CNTRL: variants seen among roughly 807,000 people sequenced by gnomAD.
The protein encoded by CNTRL is centriolin.
CNTRL carries 233 observed loss-of-function variants against 303.7 expected under a neutral mutation model. That is an observed-to-expected ratio of 0.77 (90% CI 0.69 to 0.86). CNTRL has a LOEUF of 0.86. Among genes scored for constraint, CNTRL ranks in the 40% least tolerant of loss-of-function variants. CNTRL has a pLI of 0.00. For missense variants in CNTRL, 2,524 were observed against 2,650.6 expected, an observed-to-expected ratio of 0.95 and a Z score of 1.05; for synonymous variants, 900 against 922.2, an observed-to-expected ratio of 0.98 and a Z score of 0.44.
intron 4 of CNTRL, among the ~76,000 whole-genome samples, chr9:121,090,730 G>A (rs74555897): frequency 1.3e-5 from 2 of 152,190 alleles, no homozygotes; most frequent in African/African-American, 4.8e-5. Context: ...GGTTGTTTTT[G>A]CACTACAGTA....
intron 11 of CNTRL, among the ~76,000 whole-genome samples, chr9:121,117,925 G>A (rs533032972): frequency 1.3e-5 from 2 of 151,608 alleles, no homozygotes; most frequent in Admixed American, 1.3e-4. Context: ...CTTGCGGTGA[G>A]CCGAGATCGC....
chr9:121,113,720 T>G lies in CNTRL; in HGVS notation c.1341T>G (p.Ser447Arg). The part of the protein sequence containing the change: ...TQLEDKEKKI[S>R]AAQTRLSELH... ...TGGAAGACAAAGAAAAAAAAATAAG[T>G]GCAGGTTAAAAAAAGTTATTTTAAA... The change falls in exon 10 of 44, where the codon AGT becomes AGG. Residue 447 changes from serine (S) to arginine (R), a missense_variant. Physicochemically the swap from Ser to Arg is moderately radical, Grantham distance 110. Transcript: ENST00000373855. 4 of 1,515,328 alleles carry G rather than the reference T, an allele frequency of 2.6e-6. No homozygotes were observed. The highest frequency in any genetic ancestry group is 2.6e-6 in the Non-Finnish European group (3 of 1,136,622). 93.9% of individuals were successfully genotyped at this position (1,515,328 alleles called of 1,614,324 possible). A position where few individuals can be genotyped will look rare whatever the true frequency, so the allele number is the denominator to read the frequency against.
At chr9:121,086,743 A>G (rs1218209829) in intron 2 of CNTRL, among the ~76,000 whole-genome samples, 1 of 148,728 alleles carries the variant, frequency 6.7e-6, no homozygotes, top group Non-Finnish European at 1.5e-5. Context: ...TGGGTTCAAG[A>G]GATTCTGTTG....
Position 121,154,779 on chromosome 9 carries a change from C to G in CNTRL, c.4231C>G (p.Leu1411Val), listed in dbSNP as rs1214778361. The G allele has an allele frequency of 2.5e-6, 4 of 1,611,916 alleles. No homozygotes were observed. Among genetic ancestry groups the G allele is most frequent in the Non-Finnish European group, 3.4e-6 (4 of 1,178,134 alleles). Reference sequence around the variant, plus strand: ...GACTGAACTAGAAATAGAAAAATCACTCAAACATCATGAAGATATTGTAGA... The same window carrying G: ...GACTGAACTAGAAATAGAAAAATCAGTCAAACATCATGAAGATATTGTAGA... ...LMTELEIEKSLKHHEDIVDEI... is the reference protein window; with the variant it reads ...LMTELEIEKSVKHHEDIVDEI... Residue 1411 changes from leucine to valine, a missense_variant, in exon 27 of 44, where the codon CTC (leucine) becomes GTC (valine). Physicochemically the swap from Leu to Val is conservative, Grantham distance 32 (BLOSUM62 1). Coordinates refer to ENST00000373855, the MANE Select transcript of CNTRL (RefSeq NM_007018.6).
intron 7 of CNTRL, among the ~76,000 whole-genome samples, chr9:121,101,813 A>G (rs1450804976): frequency 6.6e-6 from 1 of 152,214 alleles, no homozygotes; most frequent in Non-Finnish European, 1.5e-5. Flanking sequence ...GAATTGGATA[A>G]ATTCCTGGAC....
At chr9:121,097,442 TA>T (rs1237971638) in intron 6 of CNTRL, among the ~76,000 whole-genome samples, 5 of 152,140 alleles carry the variant, frequency 3.3e-5, no homozygotes, top group Admixed American at 1.3e-4. Flanking sequence ...GAAAATGCTT[TA>T]AAAAAAACTT....
At chr9:121,120,237 C>T (rs2050168017) in intron 12 of CNTRL, among the ~76,000 whole-genome samples, 2 of 151,866 alleles carry the variant, frequency 1.3e-5, no homozygotes, top group South Asian at 4.1e-4. Flanking sequence ...TTCCTTTAAG[C>T]ATTTTAGTAC....
intron 4 of CNTRL, among the ~76,000 whole-genome samples, chr9:121,091,768 C>G (rs1026291977): frequency 2.0e-5 from 3 of 151,958 alleles, no homozygotes; most frequent in Admixed American, 2.0e-4. Flanking sequence ...CACTTGAACC[C>G]AGGAGGTGGA....
intron 16 of CNTRL, 28 bp from the exon 17 acceptor site, chr9:121,140,613 A>G: frequency 3.2e-6 from 5 of 1,586,380 alleles, no homozygotes; most frequent in Non-Finnish European, 4.3e-6. Context: ...CATGTAATAG[A>G]TAATCCCTAT....
At chr9:121,117,481 G>T (rs1331046268) in intron 11 of CNTRL, among the ~76,000 whole-genome samples, 2 of 152,064 alleles carry the variant, frequency 1.3e-5, no homozygotes, top group East Asian at 3.9e-4. Flanking sequence ...TCAATTTATT[G>T]GTTGACTATC....
At chr9:121,135,773 G>C (rs754538923) in intron 14 of CNTRL, 33 bp from the exon 15 acceptor site, 24 of 1,573,288 alleles carry the variant, frequency 1.5e-5, no homozygotes, top group Non-Finnish European at 1.9e-5. Flanking sequence ...GCACAGTGAG[G>C]GTTCCATAGT....
At position 121,145,172 on chromosome 9, in the gene CNTRL, G is replaced by C. The variant is rs1420944822; in HGVS notation, c.3169-72G>C. Reference sequence around the variant, plus strand: ...TAAATAAATATAGAATCATAATCAAGTTGAAAGGATAAATGTGTTTGGGAA... The same window carrying C: ...TAAATAAATATAGAATCATAATCAACTTGAAAGGATAAATGTGTTTGGGAA... On this transcript the variant is annotated intron_variant, in intron 21 of 43. Transcript: ENST00000373855. The C allele has an allele frequency of 2.7e-6, 4 of 1,488,926 alleles. No homozygotes were observed. The Admixed American group carries it at 8.3e-5, about 31-fold the overall frequency. The allele number at this position is 1,488,926 out of a possible 1,614,324, so 92.2% of individuals were successfully genotyped here. A position where few individuals can be genotyped will look rare whatever the true frequency, so the allele number is the denominator to read the frequency against.
intron 6 of CNTRL, among the ~76,000 whole-genome samples, chr9:121,097,948 T>C (rs1191321812): frequency 6.6e-6 from 1 of 152,230 alleles, no homozygotes; most frequent in African/African-American, 2.4e-5. Context: ...ATAGCACAGT[T>C]ATCTGAAGAT....
At chr9:121,109,790 T>C (rs980686496) in intron 8 of CNTRL, among the ~76,000 whole-genome samples, 5 of 152,116 alleles carry the variant, frequency 3.3e-5, no homozygotes, top group African/African-American at 1.2e-4. Context: ...TTTGTACATA[T>C]GGTAGAAAAA....
chr9:121,090,581 C>T (rs1323474), intron 4 of CNTRL, among the ~76,000 whole-genome samples, 176 bp downstream of exon 4: 79,120 of 152,048 alleles, frequency 0.52, 22,258 homozygotes, highest in South Asian at 0.8. Context: ...TTCTATTACT[C>T]AATATTCTTA....
chr9:121,146,381 GGTT>G, intron 23 of CNTRL, 125 bp downstream of exon 23: 1 of 932,054 alleles, frequency 1.1e-6, no homozygotes. Flanking sequence ...CGTGCATTGA[GGTT>G]CTGTAGCGTT....
intron 43 of CNTRL, among the ~76,000 whole-genome samples, chr9:121,176,032 T>C (rs1588355651): frequency 6.6e-6 from 1 of 152,242 alleles, no homozygotes; most frequent in Non-Finnish European, 1.5e-5. Context: ...ACATGAAATA[T>C]ACTCATGGAA....
intron 2 of CNTRL, among the ~76,000 whole-genome samples, chr9:121,085,501 A>G (rs74976105): frequency 0.019 from 2,889 of 152,306 alleles, 94 homozygotes; most frequent in African/African-American, 0.066. Context: ...AATTCTAGTT[A>G]TAAGATGTTA....
chr9:121,128,834 A>T (rs1178433563), intron 14 of CNTRL, among the ~76,000 whole-genome samples: 2 of 151,992 alleles, frequency 1.3e-5, no homozygotes, highest in African/African-American at 4.8e-5. Flanking sequence ...TGTAAGGAAG[A>T]GATCCAGTTT....
Sources: gnomAD v4.1 joint callset for allele counts (sites outside exome capture counted in the v4.1 genomes callset) on GRCh38, gnomAD v4.1.1 for gene constraint, MANE v1.5 for transcripts, NCBI Gene and HGNC (gene_info 2026-07-23, HGNC 2026-07-21) for gene names.